Variants in LIMCH1 observed in about 807,000 individuals in gnomAD.
LIMCH1 encodes the protein LIM and calponin homology domains 1.
LIMCH1 carries 113 observed loss-of-function variants against 176.5 expected under a neutral mutation model. That is an observed-to-expected ratio of 0.64 (90% CI 0.55 to 0.75). The LOEUF is 0.75. Ranked by LOEUF, LIMCH1 falls within the 30% of genes least tolerant of loss-of-function variation. The pLI is 0.00. For missense variants in LIMCH1, 1,674 were observed against 1,814.9 expected (o/e 0.92, Z 1.41); for synonymous variants, 619 against 645.9 (o/e 0.96, Z 0.63).
chr4:41,566,874 C>A (rs1045842427), intron 1 of LIMCH1, among the ~76,000 whole-genome samples: 1 of 152,160 alleles, frequency 6.6e-6, no homozygotes, highest in Non-Finnish European at 1.5e-5. Context: ...CAGAAATTGA[C>A]CACTTCCTTG....
chr4:41,557,525 T>C (rs950764595), intron 1 of LIMCH1, among the ~76,000 whole-genome samples: 1 of 150,098 alleles, frequency 6.7e-6, no homozygotes, highest in Non-Finnish European at 1.5e-5. Context: ...AATGTGTGTG[T>C]TTTAAAAATC....
chr4:41,369,552 G>T (rs1047860384), intron 1 of LIMCH1, among the ~76,000 whole-genome samples: 1 of 152,116 alleles, frequency 6.6e-6, no homozygotes. Flanking sequence ...GCTTAAACCC[G>T]ACTGCCTCTG....
At chr4:41,491,655 C>T (rs192144517) in intron 1 of LIMCH1, among the ~76,000 whole-genome samples, 98 of 142,842 alleles carry the variant, frequency 6.9e-4, no homozygotes, top group African/African-American at 2.5e-3. Flanking sequence ...CCAGACGGGG[C>T]GGCCAGGCAG....
chr4:41,447,145 G>A (rs1180886358), intron 1 of LIMCH1, among the ~76,000 whole-genome samples: 2 of 152,112 alleles, frequency 1.3e-5, no homozygotes, highest in Non-Finnish European at 2.9e-5. Context: ...TGGGAAAATC[G>A]CCTGAGCCCA....
intron 1 of LIMCH1, among the ~76,000 whole-genome samples, chr4:41,373,147 G>A (rs2054228714): frequency 1.3e-5 from 2 of 152,202 alleles, no homozygotes; most frequent in Admixed American, 6.5e-5. Context: ...AAAGGGCCGG[G>A]ATCTCCTTTG....
At chr4:41,454,467 G>A (rs1249155579) in intron 1 of LIMCH1, among the ~76,000 whole-genome samples, 5 of 152,038 alleles carry the variant, frequency 3.3e-5, no homozygotes, top group Non-Finnish European at 7.4e-5. Context: ...GAGAGAGAGA[G>A]AGAGAGGGAG....
At chr4:41,417,242 G>A (rs542251270) in intron 1 of LIMCH1, among the ~76,000 whole-genome samples, 2 of 152,196 alleles carry the variant, frequency 1.3e-5, no homozygotes, top group South Asian at 4.2e-4. Context: ...GAGTCACTCC[G>A]GGTGAAAACA....
intron 1 of LIMCH1, among the ~76,000 whole-genome samples, chr4:41,439,303 G>A (rs2062441261): frequency 6.6e-6 from 1 of 152,184 alleles, no homozygotes; most frequent in East Asian, 1.9e-4. Context: ...AAAAAGGGGA[G>A]GGCAGGCCAG....
In LIMCH1 at chr4:41,546,986, C is replaced by A. The variant is rs191692258; in HGVS notation, c.-241+8636C>A. Among the ~76,000 whole-genome samples the A allele has an allele frequency of 7.2e-5, 11 of 152,206 alleles. No homozygotes were observed. The East Asian group carries it at 1.9e-3, about 27-fold the overall frequency. ...TGGAGATTTTTCTTTGCATCTTCTT[C>A]TTCCTATTATCCTTTTTTGTAAACA... is the stretch of plus-strand genomic sequence containing the variant. On this transcript the variant is annotated intron_variant, in intron 1 of 31. Coordinates refer to ENST00000503057, the MANE Select transcript of LIMCH1 (RefSeq NM_001330672.2).
At chr4:41,460,841 A>G (rs186776002) in intron 1 of LIMCH1, among the ~76,000 whole-genome samples, 1 of 152,124 alleles carries the variant, frequency 6.6e-6, no homozygotes, top group Non-Finnish European at 1.5e-5. Context: ...GCATGCTGGC[A>G]AGGAAATGCC....
At chr4:41,681,237 C>T (rs1715524510) in intron 25 of LIMCH1, among the ~76,000 whole-genome samples, 178 bp downstream of exon 25, 2 of 152,150 alleles carry the variant, frequency 1.3e-5, no homozygotes, top group Non-Finnish European at 2.9e-5. Context: ...ACTGCTGCAG[C>T]CAAATTCTAG....
intron 1 of LIMCH1, among the ~76,000 whole-genome samples, chr4:41,407,025 A>T (rs1330831960): frequency 6.6e-6 from 1 of 152,124 alleles, no homozygotes; most frequent in Non-Finnish European, 1.5e-5. Flanking sequence ...GGGTCTTCCA[A>T]GGATCTAATA....
At chr4:41,691,164 C>T (rs544139762) in intron 30 of LIMCH1, among the ~76,000 whole-genome samples, 4 of 152,224 alleles carry the variant, frequency 2.6e-5, no homozygotes, top group Non-Finnish European at 4.4e-5. Context: ...CTTTAAGGTA[C>T]ATCCCCTCTT....
chr4:41,408,059 T>A (rs924027937), intron 1 of LIMCH1, among the ~76,000 whole-genome samples: 3 of 152,230 alleles, frequency 2.0e-5, no homozygotes, highest in Non-Finnish European at 4.4e-5. Flanking sequence ...CCTCATTCCA[T>A]ACCTTGTCCA....
chr4:41,654,080 T>C (rs1409322908), intron 18 of LIMCH1, among the ~76,000 whole-genome samples: 1 of 152,190 alleles, frequency 6.6e-6, no homozygotes, highest in Non-Finnish European at 1.5e-5. Flanking sequence ...GAAAAAAATG[T>C]TCATAAAGCC....
At chr4:41,619,012 C>A (rs1172633162) in intron 5 of LIMCH1, among the ~76,000 whole-genome samples, 176 bp from the exon 6 acceptor site, 1 of 151,898 alleles carries the variant, frequency 6.6e-6, no homozygotes, top group Non-Finnish European at 1.5e-5. Context: ...CCTTCTTTTC[C>A]CAGAGTGGAG....
intron 18 of LIMCH1, among the ~76,000 whole-genome samples, chr4:41,657,252 C>G (rs1167157758): frequency 6.6e-6 from 1 of 152,234 alleles, no homozygotes; most frequent in Non-Finnish European, 1.5e-5. Context: ...GAAGGGCTCT[C>G]CTCTGTTGAG....
intron 1 of LIMCH1, among the ~76,000 whole-genome samples, chr4:41,409,981 A>C (rs2059338244): frequency 6.6e-6 from 1 of 152,218 alleles, no homozygotes; most frequent in Non-Finnish European, 1.5e-5. Flanking sequence ...ACATGCTAAC[A>C]GTTACTCCTT....
intron 1 of LIMCH1, among the ~76,000 whole-genome samples, chr4:41,564,967 C>T (rs972352540): frequency 3.3e-5 from 5 of 152,140 alleles, no homozygotes; most frequent in African/African-American, 1.2e-4. Flanking sequence ...TGAGGCCTCC[C>T]CAGACAGCCC....
Sources: gnomAD v4.1 joint callset for allele counts (sites outside exome capture counted in the v4.1 genomes callset) on GRCh38, gnomAD v4.1.1 for gene constraint, MANE v1.5 for transcripts, NCBI Gene and HGNC (gene_info 2026-07-23, HGNC 2026-07-21) for gene names.